Variants in KAZN observed in about 807,000 individuals in gnomAD.
The protein encoded by KAZN is kazrin.
KAZN carries 40 observed loss-of-function variants against 87.4 expected under a neutral mutation model. The observed-to-expected ratio is 0.46, with a 90% CI of 0.36 to 0.60. KAZN has a LOEUF of 0.60. KAZN is among the 20% of genes least tolerant of loss of function. KAZN has a pLI of 0.00. For missense variants in KAZN, 898 were observed against 1,073.9 expected (o/e 0.84, Z 2.29); for synonymous variants, 466 against 458.3 (o/e 1.02, Z -0.22).
chr1:14,282,490 T>C (rs1306736961), intron 2 of KAZN, among the ~76,000 whole-genome samples: 1 of 152,204 alleles, frequency 6.6e-6, no homozygotes, highest in African/African-American at 2.4e-5. Context: ...TTAACATGTA[T>C]CCCTCTCATT....
Position 14,773,636 on chromosome 1 carries a change from C to A in KAZN, c.226+174413C>A, listed in dbSNP as rs544318861. Among the ~76,000 whole-genome samples the A allele has an allele frequency of 1.3e-4, 20 of 152,148 alleles. No homozygotes were observed. The highest frequency in any genetic ancestry group is 2.4e-4 in the Non-Finnish European group (16 of 68,010). ...GTCAGGCACCCGCCACCCGGTTCTC[C>A]TTCTTCCTCTTCTAAAACACTGCAA... On this transcript the variant is annotated intron_variant, in intron 1 of 14. Transcript: ENST00000376030. This position sits in a 1 kb window ranked among gnomAD's most constrained non-coding sequence, Gnocchi z 5.9.
At chr1:14,374,255 C>T (rs920902980) in intron 2 of KAZN, among the ~76,000 whole-genome samples, 1 of 152,222 alleles carries the variant, frequency 6.6e-6, no homozygotes, top group Non-Finnish European at 1.5e-5. Flanking sequence ...ATGGACCACT[C>T]ACCCCAGGCA....
At chr1:14,568,003 T>C (rs1185684569) in intron 2 of KAZN, among the ~76,000 whole-genome samples, 1 of 152,234 alleles carries the variant, frequency 6.6e-6, no homozygotes, top group African/African-American at 2.4e-5. Context: ...GTGATTAGGT[T>C]ACATTCTGTA....
chr1:14,587,008 C>A (rs563610797), intron 2 of KAZN, among the ~76,000 whole-genome samples: 1 of 152,288 alleles, frequency 6.6e-6, no homozygotes, highest in Admixed American at 6.5e-5. Flanking sequence ...CTATGAGAAC[C>A]ACAGAATGCT....
At chr1:14,220,724 G>T (rs921784965) in intron 2 of KAZN, among the ~76,000 whole-genome samples, 3 of 152,148 alleles carry the variant, frequency 2.0e-5, no homozygotes, top group Non-Finnish European at 2.9e-5. Context: ...AGCTTAACAT[G>T]AACAAAGTAC....
At chr1:15,006,548 G>A (rs1282159719) in intron 2 of KAZN, among the ~76,000 whole-genome samples, 5 of 152,338 alleles carry the variant, frequency 3.3e-5, no homozygotes, top group Non-Finnish European at 2.9e-5. Context: ...GCGGAAGCAG[G>A]TGATCAATCA....
Position 15,065,823 on chromosome 1 carries a change from C to T in KAZN, c.1222+70C>T, listed in dbSNP as rs772652550. ...TACGCGCTCCCCTGCGCCTGCTGCC[C>T]GCAGGCGTGTCTGTGCGTGTGGGCG... On this transcript the variant is annotated intron_variant, in intron 8 of 14. Transcript: ENST00000376030. 2.0e-5 allele frequency: 32 copies of T among 1,587,874 alleles called. No homozygotes were observed. The East Asian group carries it at 2.5e-4, about 12-fold the overall frequency.
At chr1:14,975,770 G>A (rs1665532206) in intron 2 of KAZN, among the ~76,000 whole-genome samples, 5 of 152,224 alleles carry the variant, frequency 3.3e-5, no homozygotes, top group Non-Finnish European at 2.9e-5. Flanking sequence ...AGTGGCTCAC[G>A]CCTGTAATCC....
intron 1 of KAZN, among the ~76,000 whole-genome samples, chr1:14,730,920 C>T (rs891777745): frequency 6.6e-6 from 1 of 152,190 alleles, no homozygotes; most frequent in African/African-American, 2.4e-5. Flanking sequence ...CAGATGCCCA[C>T]TCTTGGGCAC....
At position 14,923,991 on chromosome 1, in the gene KAZN, C is replaced by G. The variant is rs1032893207; in HGVS notation, c.227-36693C>G. On this transcript the variant is annotated intron_variant, in intron 1 of 14. Transcript: ENST00000376030. The surrounding 1 kb of genome is among the most constrained non-coding windows in gnomAD (Gnocchi z 4.2). ...CACCGAGTGGCGGGGGCCGGGCGCA[C>G]AACGGGGCGACGCGGCGGCGCTCCC... 525 of 439,484 alleles carry G rather than the reference C, an allele frequency of 1.2e-3. 3 individuals carry two copies. The highest frequency in any genetic ancestry group is 0.011 in the African/African-American group (503 of 44,572). 27.2% of individuals were successfully genotyped at this position (439,484 alleles called of 1,614,324 possible).
intron 4 of KAZN, among the ~76,000 whole-genome samples, chr1:15,048,711 T>TCCTGGGTCGTCGGTCCTGGGTCGTC: frequency 1.4e-5 from 2 of 141,308 alleles, no homozygotes; most frequent in Non-Finnish European, 3.0e-5. Flanking sequence ...CCTTGGTCGT[T>TCCTGGGTCGTCGGTCCTGGGTCGTC]GGTCCTGGGT....
intron 1 of KAZN, among the ~76,000 whole-genome samples, chr1:14,620,511 G>A (rs1447655608): frequency 6.6e-6 from 1 of 152,228 alleles, no homozygotes; most frequent in East Asian, 1.9e-4. Flanking sequence ...GGCTCGGCCA[G>A]GTCATTAGGG....
At chr1:14,106,367 A>G (rs1644374988) in intron 1 of KAZN, among the ~76,000 whole-genome samples, 1 of 152,202 alleles carries the variant, frequency 6.6e-6, no homozygotes. Flanking sequence ...CTTGCTATAT[A>G]TTTAGAACAA....
chr1:14,526,476 T>A (rs900171509), intron 2 of KAZN, among the ~76,000 whole-genome samples: 8 of 152,252 alleles, frequency 5.3e-5, no homozygotes, highest in African/African-American at 1.9e-4. Context: ...CCCATCCATC[T>A]GCATCATCAG....
intron 2 of KAZN, among the ~76,000 whole-genome samples, chr1:14,494,810 A>T (rs1669856119): frequency 6.6e-6 from 1 of 152,234 alleles, no homozygotes; most frequent in African/African-American, 2.4e-5. Flanking sequence ...ATTAAAATGC[A>T]TTCGGTGCAG....
chr1:14,504,044 A>T (rs1670417258), intron 2 of KAZN, among the ~76,000 whole-genome samples: 1 of 151,934 alleles, frequency 6.6e-6, no homozygotes, highest in African/African-American at 2.4e-5. Flanking sequence ...GAATTTTCAC[A>T]CCTCCTTAAA....
At chr1:15,076,723 G>A (rs1033442646) in intron 8 of KAZN, among the ~76,000 whole-genome samples, 4 of 152,192 alleles carry the variant, frequency 2.6e-5, no homozygotes, top group Admixed American at 2.6e-4. Context: ...CTCTGGGGAG[G>A]ATGCAATGAG....
At chr1:14,798,108 C>T (rs764306787) in intron 1 of KAZN, among the ~76,000 whole-genome samples, 18 of 152,160 alleles carry the variant, frequency 1.2e-4, no homozygotes, top group African/African-American at 3.6e-4. Context: ...TTCAAACTCA[C>T]GCATGACACC....
In KAZN at chr1:14,844,956, A is replaced by AATGG. The variant is rs955967822; in HGVS notation, c.227-115715_227-115712dup. On this transcript the variant is annotated intron_variant, in intron 1 of 14. Transcript: ENST00000376030. ...TGGATGGCTGTATAAATGAGTGGTT[A>AATGG]ATGGATGGATGGATGGGTAGATGGA... Among the ~76,000 whole-genome samples, 35 of 150,486 alleles carry AATGG rather than the reference A, an allele frequency of 2.3e-4. 1 individual carries two copies. The highest frequency in any genetic ancestry group is 2.9e-4 in the African/African-American group (12 of 40,876).
Sources: allele counts gnomAD v4.1 joint callset (sites outside exome capture counted in the v4.1 genomes callset), GRCh38; gene constraint gnomAD v4.1.1; non-coding constraint Gnocchi (gnomAD v3.1); transcripts MANE v1.5; gene names NCBI Gene and HGNC (gene_info 2026-07-23, HGNC 2026-07-21).